ATXN7L1: variants seen among roughly 807,000 people sequenced by gnomAD.
The protein encoded by ATXN7L1 is ataxin 7 like 1.
Under a neutral mutation model 70.8 loss-of-function variants are expected in ATXN7L1, and 15 were observed. That is an observed-to-expected ratio of 0.21 (90% CI 0.14 to 0.33). The LOEUF is 0.33. ATXN7L1 is among the 10% of genes least tolerant of loss of function. ATXN7L1 has a pLI of 1.00. For synonymous variants in ATXN7L1, 440 were observed against 445.1 expected (o/e 0.99, Z 0.14); for missense variants, 975 against 1,097.1 (o/e 0.89, Z 1.57).
At chr7:105,632,361 TC>T (rs1330205696) in intron 7 of ATXN7L1, among the ~76,000 whole-genome samples, 13 of 152,206 alleles carry the variant, frequency 8.5e-5, no homozygotes, top group Admixed American at 8.5e-4. Context: ...TAGGAAAGCA[TC>T]ATAAATGATT....
intron 2 of ATXN7L1, among the ~76,000 whole-genome samples, chr7:105,831,777 T>C (rs1392745031): frequency 1.3e-5 from 2 of 152,062 alleles, no homozygotes; most frequent in Non-Finnish European, 2.9e-5. Flanking sequence ...GTGGGGGGCA[T>C]TGACATGGGC....
chr7:105,800,394 C>A (rs916849057), intron 2 of ATXN7L1, among the ~76,000 whole-genome samples: 4 of 152,132 alleles, frequency 2.6e-5, no homozygotes, highest in African/African-American at 9.7e-5. Context: ...CTTCAGGGAG[C>A]CTTCTTCAAT....
At chr7:105,711,181 T>A (rs548568265) in intron 3 of ATXN7L1, among the ~76,000 whole-genome samples, 1 of 152,144 alleles carries the variant, frequency 6.6e-6, no homozygotes, top group East Asian at 1.9e-4. Flanking sequence ...GGGAAACCCA[T>A]CCCCATGATC....
chr7:105,614,143 TCACTATGTCCGCGGGGCCGCCGGG>T lies in ATXN7L1; in HGVS notation c.2167_2190del (p.Pro723_Val730del). The T allele has an allele frequency of 6.4e-7, 1 of 1,551,636 alleles. No homozygotes were observed. The highest frequency in any genetic ancestry group is 2.4e-5 in the East Asian group (1 of 40,908). ...CTGCCTCCCACCGCGCCCACCTGTCTCACTATGTCCGCGGGGCCGCCGGGCAGCGAGGTCCGTCCTGAGGGCTCC... is the reference window on the plus strand; with the variant it reads ...CTGCCTCCCACCGCGCCCACCTGTCTCAGCGAGGTCCGTCCTGAGGGCTCC... On this transcript the variant is annotated inframe_deletion, in exon 10 of 12. Transcript: ENST00000419735. This position sits in a 1 kb window ranked among gnomAD's most constrained non-coding sequence, Gnocchi z 4.3.
At chr7:105,615,634 C>G (rs1015780621) in intron 9 of ATXN7L1, among the ~76,000 whole-genome samples, 1 of 152,208 alleles carries the variant, frequency 6.6e-6, no homozygotes, top group Non-Finnish European at 1.5e-5. Context: ...ACACCCCACA[C>G]GGGTCTTCTT....
chr7:105,652,525 C>T (rs1800005153), intron 4 of ATXN7L1, among the ~76,000 whole-genome samples: 1 of 152,184 alleles, frequency 6.6e-6, no homozygotes, highest in African/African-American at 2.4e-5. Flanking sequence ...GAGCACTCCC[C>T]TCGGCAGCCA....
chr7:105,845,957 T>C (rs1813965837), intron 2 of ATXN7L1, among the ~76,000 whole-genome samples: 1 of 152,036 alleles, frequency 6.6e-6, no homozygotes, highest in African/African-American at 2.4e-5. Context: ...GAAGAAAACA[T>C]AGGAGCAAAT....
Position 105,802,992 on chromosome 7 carries a change from G to C in ATXN7L1, c.251-14284C>G, listed in dbSNP as rs369063188. 1.6e-4 allele frequency among the ~76,000 whole-genome samples: 25 copies of C among 152,294 alleles called. No homozygotes were observed. In the East Asian group the frequency reaches 4.2e-3, roughly 26 times the overall value. ...CTGGATGGTCCCATCTTTCTAGAAG[G>C]GTCAAATGCCCACATGAGAAAACAA... On this transcript the variant is annotated intron_variant, in intron 2 of 11. Transcript: ENST00000419735.
chr7:105,729,801 G>A (rs1465691276), intron 3 of ATXN7L1, among the ~76,000 whole-genome samples: 1 of 149,218 alleles, frequency 6.7e-6, no homozygotes. Flanking sequence ...GCAGTGGTGC[G>A]ATCTCTGCTC....
chr7:105,791,587 A>C (rs1012098088), intron 2 of ATXN7L1, among the ~76,000 whole-genome samples: 1 of 152,250 alleles, frequency 6.6e-6, no homozygotes. Flanking sequence ...TTTTTTAAAA[A>C]TAAAACAAAA....
chr7:105,649,986 C>A (rs1486373268), intron 4 of ATXN7L1, among the ~76,000 whole-genome samples: 1 of 152,236 alleles, frequency 6.6e-6, no homozygotes, highest in African/African-American at 2.4e-5. Flanking sequence ...TCTTGGCTTC[C>A]AAGCAGTGAT....
intron 2 of ATXN7L1, among the ~76,000 whole-genome samples, chr7:105,815,285 A>C (rs1207670099): frequency 6.6e-6 from 1 of 152,220 alleles, no homozygotes; most frequent in Non-Finnish European, 1.5e-5. Context: ...GCTTGGCTCT[A>C]GGAAAAGGTA....
At chr7:105,667,830 G>GTCTA (rs1802897210) in intron 3 of ATXN7L1, among the ~76,000 whole-genome samples, 1 of 151,942 alleles carries the variant, frequency 6.6e-6, no homozygotes, top group African/African-American at 2.4e-5. Context: ...CTAACTTCAA[G>GTCTA]TCTATCGACT....
chr7:105,689,734 G>T (rs1301549318), intron 3 of ATXN7L1, among the ~76,000 whole-genome samples: 1 of 152,200 alleles, frequency 6.6e-6, no homozygotes, highest in Admixed American at 6.5e-5. Flanking sequence ...CCTTAGCATC[G>T]TGTCATAGCC....
chr7:105,655,675 A>G (rs1800512032), intron 4 of ATXN7L1, among the ~76,000 whole-genome samples: 1 of 152,182 alleles, frequency 6.6e-6, no homozygotes, highest in African/African-American at 2.4e-5. Context: ...CCAGGCAGGA[A>G]GAGATAAGCC....
At position 105,775,019 on chromosome 7, in the gene ATXN7L1, A is replaced by C. The variant is rs568327095; in HGVS notation, c.355+13585T>G. ...ACAATGGTTGCTTTCTCTGGAAAAAAAAAAGATTATTTTTTCCAGGTAAAG... is the reference window on the plus strand; with the variant it reads ...ACAATGGTTGCTTTCTCTGGAAAAACAAAAGATTATTTTTTCCAGGTAAAG... On this transcript the variant is annotated intron_variant, in intron 3 of 11. Transcript: ENST00000419735. 2.1e-4 allele frequency among the ~76,000 whole-genome samples: 32 copies of C among 152,342 alleles called. No individual in the cohort carries two copies. The South Asian group carries it at 6.6e-3, about 32-fold the overall frequency.
intron 4 of ATXN7L1, among the ~76,000 whole-genome samples, chr7:105,648,876 G>A (rs1799455180): frequency 7.1e-6 from 1 of 141,800 alleles, no homozygotes; most frequent in South Asian, 2.1e-4. Context: ...TTCACAGTAT[G>A]GGCATCTCCC....
At chr7:105,723,755 G>C (rs1480787183) in intron 3 of ATXN7L1, among the ~76,000 whole-genome samples, 1 of 152,140 alleles carries the variant, frequency 6.6e-6, no homozygotes, top group African/African-American at 2.4e-5. Flanking sequence ...TGTTTTGCCT[G>C]TTTGTGGATT....
intron 3 of ATXN7L1, among the ~76,000 whole-genome samples, chr7:105,763,915 G>T: frequency 6.6e-6 from 1 of 152,074 alleles, no homozygotes; most frequent in South Asian, 2.1e-4. Context: ...ATGCAATGGC[G>T]TGTTCTCGGT....
Sources: gnomAD v4.1 joint callset for allele counts (sites outside exome capture counted in the v4.1 genomes callset) on GRCh38, gnomAD v4.1.1 for gene constraint, Gnocchi (gnomAD v3.1) non-coding constraint, MANE v1.5 for transcripts, NCBI Gene and HGNC (gene_info 2026-07-23, HGNC 2026-07-21) for gene names.